Variants in KCNK13 observed in about 807,000 individuals in gnomAD.
The protein encoded by KCNK13 is potassium two pore domain channel subfamily K member 13.
A neutral mutation model predicts 23.4 loss-of-function variants in KCNK13; 12 were observed. The ratio of observed to expected loss-of-function variants is 0.51; its 90% confidence interval spans 0.33 to 0.83. The LOEUF is 0.83. Among genes scored for constraint, KCNK13 ranks in the 40% least tolerant of loss-of-function variants. The probability of loss-of-function intolerance (pLI) is 0.02; values close to 1 mark genes in which losing one functional copy is unlikely to be tolerated. For synonymous variants in KCNK13, 231 were observed against 229.5 expected (o/e 1.01, Z -0.06); for missense variants, 463 against 556.3 (o/e 0.83, Z 1.69).
At chr14:90,174,675 G>A (rs6575111) in intron 1 of KCNK13, among the ~76,000 whole-genome samples, 17,440 of 152,060 alleles carry the variant, frequency 0.11, 1,604 homozygotes, top group African/African-American at 0.26. Context: ...GCAACATAGT[G>A]AGACTTCATC....
chr14:90,080,225 G>A (rs962021156), intron 1 of KCNK13, among the ~76,000 whole-genome samples: 1 of 152,072 alleles, frequency 6.6e-6, no homozygotes, highest in Non-Finnish European at 1.5e-5. Flanking sequence ...AGGCTGAGGC[G>A]GGCGCATCAC....
chr14:90,150,626 G>A (rs1890124566), intron 1 of KCNK13, among the ~76,000 whole-genome samples: 1 of 152,172 alleles, frequency 6.6e-6, no homozygotes, highest in Non-Finnish European at 1.5e-5. Flanking sequence ...AGTTTCAGGT[G>A]TACATGCTAA....
intron 1 of KCNK13, among the ~76,000 whole-genome samples, chr14:90,156,015 G>A (rs1890189686): frequency 6.6e-6 from 1 of 151,948 alleles, no homozygotes; most frequent in African/African-American, 2.4e-5. Context: ...ACGAGCCTGG[G>A]CAACATGGCT....
intron 1 of KCNK13, among the ~76,000 whole-genome samples, chr14:90,070,623 C>T (rs1889062553): frequency 6.6e-6 from 1 of 152,186 alleles, no homozygotes; most frequent in African/African-American, 2.4e-5. Flanking sequence ...TTTCCTTGTG[C>T]TTTCTTCCAT....
chr14:90,129,746 AT>A (rs57266328), intron 1 of KCNK13, among the ~76,000 whole-genome samples: 97,964 of 151,258 alleles, frequency 0.65, 32,361 homozygotes, highest in East Asian at 0.98. Context: ...TGAAACTTAG[AT>A]AACTGAGACT....
intron 1 of KCNK13, among the ~76,000 whole-genome samples, chr14:90,112,469 A>G (rs373400768): frequency 3.2e-4 from 48 of 152,360 alleles, no homozygotes; most frequent in Middle Eastern, 3.4e-3. Flanking sequence ...ACTAAAAACA[A>G]TGCAAATCAT....
chr14:90,145,723 C>T (rs1421164810), intron 1 of KCNK13, among the ~76,000 whole-genome samples: 2 of 151,858 alleles, frequency 1.3e-5, no homozygotes, highest in Non-Finnish European at 2.9e-5. Context: ...GATGGTTGGC[C>T]AGGTGTGGTG....
intron 1 of KCNK13, among the ~76,000 whole-genome samples, chr14:90,151,502 T>A (rs2140433604): frequency 6.6e-6 from 1 of 152,312 alleles, no homozygotes; most frequent in East Asian, 1.9e-4. Context: ...TATTGAGTTG[T>A]TTGAGTTCCT....
chr14:90,161,158 C>T (rs1457363165), intron 1 of KCNK13, among the ~76,000 whole-genome samples: 1 of 152,106 alleles, frequency 6.6e-6, no homozygotes, highest in Non-Finnish European at 1.5e-5. Flanking sequence ...CATGGATCAG[C>T]CTTGACAACA....
chr14:90,156,169 C>G (rs946692127), intron 1 of KCNK13, among the ~76,000 whole-genome samples: 2 of 149,838 alleles, frequency 1.3e-5, no homozygotes, highest in Non-Finnish European at 3.0e-5. Flanking sequence ...CGTGCCACTG[C>G]CCTCCAGCCT....
At chr14:90,126,903 C>T (rs753720813) in intron 1 of KCNK13, among the ~76,000 whole-genome samples, 3 of 152,086 alleles carry the variant, frequency 2.0e-5, no homozygotes, top group Non-Finnish European at 4.4e-5. Flanking sequence ...CTACAAAATA[C>T]CTAACCAGTA....
At chr14:90,159,356 G>A (rs545867347) in intron 1 of KCNK13, among the ~76,000 whole-genome samples, 2 of 152,300 alleles carry the variant, frequency 1.3e-5, no homozygotes, top group East Asian at 1.9e-4. Context: ...AATCAGAAAC[G>A]GAGCCAGGAC....
chr14:90,157,892 G>A (rs1312592475), intron 1 of KCNK13, among the ~76,000 whole-genome samples: 5 of 151,858 alleles, frequency 3.3e-5, no homozygotes, highest in African/African-American at 1.2e-4. Context: ...GTAGAGATGG[G>A]GTTTTGCCAT....
At chr14:90,069,589 T>C (rs1312016843) in intron 1 of KCNK13, among the ~76,000 whole-genome samples, 1 of 151,788 alleles carries the variant, frequency 6.6e-6, no homozygotes, top group South Asian at 2.1e-4. Context: ...TCAAAGTATA[T>C]CAAGTCCAAA....
chr14:90,071,249 G>C (rs112067669), intron 1 of KCNK13, among the ~76,000 whole-genome samples: 23 of 152,272 alleles, frequency 1.5e-4, no homozygotes, highest in Non-Finnish European at 3.2e-4. Context: ...TGTCCAAGAA[G>C]CTGTCTTCTT....
intron 1 of KCNK13, among the ~76,000 whole-genome samples, chr14:90,080,252 G>A (rs555687706): frequency 2.6e-5 from 4 of 152,164 alleles, no homozygotes; most frequent in South Asian, 4.2e-4. Context: ...TCAGGAGTTC[G>A]AGACCAGCCT....
intron 1 of KCNK13, among the ~76,000 whole-genome samples, chr14:90,114,378 A>G (rs73330284): frequency 0.027 from 4,138 of 152,186 alleles, 189 homozygotes; most frequent in African/African-American, 0.094. Flanking sequence ...AGCTTTAACA[A>G]CTACTGACAT....
In KCNK13 at chr14:90,123,751, C is replaced by A. The variant is rs144876125; in HGVS notation, c.335-60360C>A. The stretch of plus-strand genomic sequence containing the variant: ...AGCTCAAATGTTCCTCCTGACTCAG[C>A]CTCCCATGTAGCTGGGACGATAGCC... On this transcript the variant is annotated intron_variant, in intron 1 of 1. Coordinates refer to ENST00000282146, the MANE Select transcript of KCNK13 (RefSeq NM_022054.4). Among the ~76,000 whole-genome samples the A allele has an allele frequency of 8.7e-4, 133 of 152,242 alleles. 3 individuals carry two copies. The highest frequency in any genetic ancestry group is 3.4e-3 in the Middle Eastern group (1 of 294).
At chr14:90,085,807 TTATATTA>T (rs58459819) in intron 1 of KCNK13, among the ~76,000 whole-genome samples, 82,529 of 128,388 alleles carry the variant, frequency 0.64, 27,320 homozygotes, top group African/African-American at 0.8. Context: ...ATATTATATA[TTATATTA>T]TATATTATAT....
Sources: allele counts gnomAD v4.1 joint callset (sites outside exome capture counted in the v4.1 genomes callset), GRCh38; gene constraint gnomAD v4.1.1; transcripts MANE v1.5; gene names NCBI Gene and HGNC (gene_info 2026-07-23, HGNC 2026-07-21).